Variants in SLC24A3 observed in about 807,000 individuals in gnomAD.
SLC24A3 encodes the protein sodium/potassium/calcium exchanger 3.
In SLC24A3, 28 loss-of-function variants were observed where a neutral mutation model predicts 75.8. The observed-to-expected ratio is 0.37, with a 90% CI of 0.27 to 0.51. SLC24A3 has a LOEUF of 0.51. Among genes scored for constraint, SLC24A3 ranks in the 20% least tolerant of loss-of-function variants. SLC24A3 has a pLI of 0.94. For missense variants in SLC24A3, 663 were observed against 847.8 expected, an observed-to-expected ratio of 0.78 and a Z score of 2.71; for synonymous variants, 372 against 334.1, an observed-to-expected ratio of 1.11 and a Z score of -1.24.
chr20:19,328,485 C>T (rs890727330), intron 2 of SLC24A3, among the ~76,000 whole-genome samples: 5 of 152,054 alleles, frequency 3.3e-5, no homozygotes, highest in African/African-American at 4.8e-5. Context: ...CAGGGTGAGG[C>T]GGTATCTGAT....
intron 2 of SLC24A3, among the ~76,000 whole-genome samples, chr20:19,459,028 C>A (rs1213630472): frequency 6.6e-6 from 1 of 152,108 alleles, no homozygotes; most frequent in Non-Finnish European, 1.5e-5. Context: ...CTCACTTCCC[C>A]CCTCCAACAT....
chr20:19,239,631 A>T (rs113805635), intron 1 of SLC24A3, among the ~76,000 whole-genome samples: 358 of 152,328 alleles, frequency 2.4e-3, no homozygotes, highest in African/African-American at 8.2e-3. Context: ...TTGGACACGC[A>T]TCAATTGCAT....
intron 10 of SLC24A3, among the ~76,000 whole-genome samples, chr20:19,683,826 T>G (rs1035170538): frequency 6.6e-6 from 1 of 152,212 alleles, no homozygotes; most frequent in African/African-American, 2.4e-5. Flanking sequence ...AGATTTAACA[T>G]GAACACCCAT....
intron 15 of SLC24A3, among the ~76,000 whole-genome samples, chr20:19,705,844 C>G (rs2032924528): frequency 6.6e-6 from 1 of 152,126 alleles, no homozygotes; most frequent in African/African-American, 2.4e-5. Context: ...TTTGACATTT[C>G]TTAATACTCT....
chr20:19,602,332 A>T (rs2031537796), intron 6 of SLC24A3, among the ~76,000 whole-genome samples: 2 of 152,162 alleles, frequency 1.3e-5, no homozygotes, highest in Non-Finnish European at 2.9e-5. Flanking sequence ...CAGATGAAAA[A>T]TCAGAGATGT....
At chr20:19,351,759 C>G (rs540372159) in intron 2 of SLC24A3, among the ~76,000 whole-genome samples, 1 of 152,262 alleles carries the variant, frequency 6.6e-6, no homozygotes, top group South Asian at 2.1e-4. Context: ...TTGAAGCAGG[C>G]TGAACACAGT....
intron 3 of SLC24A3, among the ~76,000 whole-genome samples, chr20:19,529,177 G>A (rs932852532): frequency 2.0e-5 from 3 of 151,752 alleles, no homozygotes; most frequent in Non-Finnish European, 2.9e-5. Context: ...ATGTATGTGT[G>A]TATATATGTG....
At position 19,722,312 on chromosome 20, in the gene SLC24A3, C is replaced by A. The variant is rs1021980409; in HGVS notation, c.*1172C>A. Reference sequence around the variant, plus strand: ...TGGGCAAACGTCCTTCCTCACGGGGCGCCTCCGCCAAGCCGGCCCAGCTGC... The same window carrying A: ...TGGGCAAACGTCCTTCCTCACGGGGAGCCTCCGCCAAGCCGGCCCAGCTGC... On this transcript the variant is annotated 3_prime_UTR_variant, in exon 17 of 17. Coordinates refer to ENST00000328041, the MANE Select transcript of SLC24A3 (RefSeq NM_020689.4). 1.3e-5 allele frequency: 2 copies of A among 152,754 alleles called. No individual in the cohort carries two copies. Among genetic ancestry groups the A allele is most frequent in the Non-Finnish European group, 2.9e-5 (2 of 68,130 alleles). 9.5% of individuals were successfully genotyped at this position (152,754 alleles called of 1,614,324 possible).
intron 2 of SLC24A3, among the ~76,000 whole-genome samples, chr20:19,359,659 A>G (rs6132196): frequency 0.064 from 9,721 of 152,248 alleles, 747 homozygotes; most frequent in East Asian, 0.25. Flanking sequence ...CCACCCTTAC[A>G]GATTGTAGGT....
intron 2 of SLC24A3, among the ~76,000 whole-genome samples, chr20:19,505,708 C>A (rs1200880295): frequency 3.3e-4 from 50 of 152,164 alleles, no homozygotes; most frequent in Non-Finnish European, 1.5e-5. Flanking sequence ...TACTTATACA[C>A]CCACCTTTCA....
intron 2 of SLC24A3, among the ~76,000 whole-genome samples, chr20:19,319,061 T>C (rs1984647041): frequency 6.6e-6 from 1 of 152,194 alleles, no homozygotes; most frequent in South Asian, 2.1e-4. Context: ...TGCTTCTTTT[T>C]GCCTGCCAGT....
chr20:19,449,306 A>G (rs770038130), intron 2 of SLC24A3, among the ~76,000 whole-genome samples: 42 of 152,216 alleles, frequency 2.8e-4, no homozygotes, highest in Non-Finnish European at 4.9e-4. Context: ...AGGAAAGCTG[A>G]GAGCTGCTGC....
At position 19,444,843 on chromosome 20, in the gene SLC24A3, T is replaced by C. The variant is rs116526218; in HGVS notation, c.272-70645T>C. On this transcript the variant is annotated intron_variant, in intron 2 of 16. Transcript: ENST00000328041. ...CTGCTCTAATTTTTATTTTTTTTCTTCTGCTTACTTTGGATCTAATCGGCT... is the reference window on the plus strand; with the variant it reads ...CTGCTCTAATTTTTATTTTTTTTCTCCTGCTTACTTTGGATCTAATCGGCT... 3.1e-3 allele frequency among the ~76,000 whole-genome samples: 467 copies of C among 152,090 alleles called. 3 individuals carry two copies. Among genetic ancestry groups the C allele is most frequent in the African/African-American group, 0.01 (433 of 41,434 alleles).
chr20:19,336,577 G>T (rs1236819815), intron 2 of SLC24A3, among the ~76,000 whole-genome samples: 1 of 151,972 alleles, frequency 6.6e-6, no homozygotes, highest in Non-Finnish European at 1.5e-5. Context: ...GTAGAGACCA[G>T]GTTTCACCAT....
intron 2 of SLC24A3, among the ~76,000 whole-genome samples, chr20:19,487,341 C>A (rs1041688633): frequency 6.6e-6 from 1 of 152,174 alleles, no homozygotes; most frequent in African/African-American, 2.4e-5. Context: ...CCTTCATTCT[C>A]TTTCTTTTTC....
rs1294847037 is a variant in SLC24A3 at position 19,515,502 on chromosome 20, C to G, written c.286C>G (p.Pro96Ala). 1 of 1,614,172 alleles carries G rather than the reference C, an allele frequency of 6.2e-7. No homozygotes were observed. Among genetic ancestry groups the G allele is most frequent in the South Asian group, 1.1e-5 (1 of 91,076 alleles). ...NCTEPALHEF[P>A]NDIFTNEDRR... ...CTGTTCTTTAGCCCTGCATGAATTC[C>G]CCAATGACATCTTCACAAACGAGGA... The change falls in exon 3 of 17, where the codon CCC becomes GCC. Residue 96 changes from proline to alanine, a missense_variant. By Grantham distance (27) the Pro-to-Ala change is conservative. Around this residue, in one of 2 missense-constraint regions of SLC24A3, gnomAD observed 153 missense variants for 144.2 expected, o/e 1.06. Transcript: ENST00000328041.
At chr20:19,552,797 C>T (rs545752548) in intron 3 of SLC24A3, among the ~76,000 whole-genome samples, 3 of 152,258 alleles carry the variant, frequency 2.0e-5, no homozygotes, top group African/African-American at 4.8e-5. Context: ...AGTCTCCCTC[C>T]GGTGACTCCT....
At chr20:19,454,095 G>A (rs1987538466) in intron 2 of SLC24A3, among the ~76,000 whole-genome samples, 1 of 152,192 alleles carries the variant, frequency 6.6e-6, no homozygotes, top group African/African-American at 2.4e-5. Flanking sequence ...ACATGCTGGG[G>A]GTTAAGAAGC....
chr20:19,646,870 T>TGTGTGTGTGTGTGTGTG (rs71198019), intron 6 of SLC24A3, among the ~76,000 whole-genome samples: 2 of 151,964 alleles, frequency 1.3e-5, no homozygotes, highest in Admixed American at 6.6e-5. Flanking sequence ...TGTGTGTGTG[T>TGTGTGTGTGTGTGTGTG]TTATGCTTTC....
Sources: gnomAD v4.1 joint callset for allele counts (sites outside exome capture counted in the v4.1 genomes callset) on GRCh38, gnomAD v4.1.1 for gene constraint, gnomAD v4.1.1 regional missense constraint, MANE v1.5 for transcripts, NCBI Gene and HGNC (gene_info 2026-07-23, HGNC 2026-07-21) for gene names.